The following ERICH2 variants were observed in gnomAD, a reference collection of about 807,000 sequenced individuals.
ERICH2 encodes the protein glutamate rich 2.
ERICH2 carries 17 observed loss-of-function variants against 17.4 expected under a neutral mutation model. The ratio of observed to expected loss-of-function variants is 0.98; its 90% CI spans 0.67 to 1.47. The LOEUF (loss-of-function observed/expected upper bound fraction) is 1.47. Ranked by LOEUF, ERICH2 falls within the 40% of genes most tolerant of loss-of-function variation. ERICH2 has a pLI of 0.00. For missense variants in ERICH2, 186 were observed against 183.2 expected (o/e 1.01, Z -0.09); for synonymous variants, 51 against 61.1 (o/e 0.83, Z 0.77).
chr2:170,779,601 T>A (rs568705005), upstream of ERICH2, among the ~76,000 whole-genome samples: 1 of 152,346 alleles, frequency 6.6e-6, no homozygotes, highest in Admixed American at 6.5e-5. Context: ...TGGACCTTAC[T>A]GGATTTTTTG....
upstream of ERICH2, among the ~76,000 whole-genome samples, chr2:170,780,091 A>G (rs1700993619): frequency 6.6e-6 from 1 of 152,204 alleles, no homozygotes; most frequent in Non-Finnish European, 1.5e-5. Context: ...GGAATGTCTA[A>G]CCTGATTAAC....
chr2:170,793,649 T>A (rs896793508), intron 3 of ERICH2, among the ~76,000 whole-genome samples: 8 of 152,166 alleles, frequency 5.3e-5, no homozygotes, highest in Non-Finnish European at 1.0e-4. Context: ...AGAAGTGTGA[T>A]AGGAAATGAA....
At chr2:170,795,838 T>G (rs868765242) in intron 3 of ERICH2, among the ~76,000 whole-genome samples, 1 of 152,188 alleles carries the variant, frequency 6.6e-6, no homozygotes, top group Non-Finnish European at 1.5e-5. Flanking sequence ...CAGCCTGAGA[T>G]TCTCTACATA....
At chr2:170,792,336 G>A (rs560929112) in intron 2 of ERICH2, among the ~76,000 whole-genome samples, 2 of 152,216 alleles carry the variant, frequency 1.3e-5, no homozygotes, top group Admixed American at 1.3e-4. Flanking sequence ...GGGACAGAAT[G>A]TGTGTATTTA....
chr2:170,778,487 C>T, the ERICH2 span, among the ~76,000 whole-genome samples: 61 of 151,830 alleles, frequency 4.0e-4, no homozygotes, highest in African/African-American at 1.2e-3. Context: ...ATTGTCAAAA[C>T]GAAAAATGTC....
chr2:170,776,430 T>G, the ERICH2 span, among the ~76,000 whole-genome samples: 2 of 152,204 alleles, frequency 1.3e-5, no homozygotes, highest in Non-Finnish European at 2.9e-5. Flanking sequence ...CAGGCTGGAG[T>G]GCAGTGGTGC....
Position 170,792,559 on chromosome 2 carries a change from G to A in ERICH2, c.217-304G>A, listed in dbSNP as rs375894151. Among the ~76,000 whole-genome samples, 194 of 152,234 alleles carry A rather than the reference G, an allele frequency of 1.3e-3. 3 individuals are homozygous for A. The South Asian group carries it at 0.035, about 27-fold the overall frequency. On this transcript the variant is annotated intron_variant, in intron 2 of 4. Transcript: ENST00000409885. ...TGAACCAAAGGAATATTAAAATAAA[G>A]TGATTAATGTCTTCACTATCTGTGC...
chr2:170,797,988 C>A, intron 3 of ERICH2, 53 bp from the exon 9 acceptor site: 2 of 1,259,366 alleles, frequency 1.6e-6, no homozygotes, highest in Non-Finnish European at 2.3e-6. Flanking sequence ...AGCCTGTTTG[C>A]TGCAACACTG....
upstream of ERICH2, among the ~76,000 whole-genome samples, chr2:170,782,671 G>A (rs1305121873): frequency 6.6e-6 from 1 of 152,238 alleles, no homozygotes; most frequent in African/African-American, 2.4e-5. Context: ...CAGAGTGAAA[G>A]CCAGAGTGCC....
chr2:170,774,120 A>G, the ERICH2 span, among the ~76,000 whole-genome samples: 1 of 152,194 alleles, frequency 6.6e-6, no homozygotes, highest in Non-Finnish European at 1.5e-5. Flanking sequence ...TAAAAGAAAC[A>G]CCTTTATCTG....
intron 2 of ERICH2, among the ~76,000 whole-genome samples, chr2:170,788,765 C>A (rs1173553316): frequency 6.6e-6 from 1 of 151,930 alleles, no homozygotes; most frequent in Non-Finnish European, 1.5e-5. Context: ...GTGTGAGCAA[C>A]CACACCTGGC....
chr2:170,791,839 G>A lies in ERICH2; in HGVS notation c.217-1024G>A, dbSNP rs577647145. Among the ~76,000 whole-genome samples, 23 of 152,054 alleles carry A rather than the reference G, an allele frequency of 1.5e-4. 1 individual carries two copies. Among genetic ancestry groups the A allele is most frequent in the Middle Eastern group, 3.4e-3 (1 of 294 alleles). ...GAAATAAAATTTTTTTTAACCCATGGGAGAAATTGAGAAAACTGGTAGAGA... is the reference window on the plus strand; with the variant it reads ...GAAATAAAATTTTTTTTAACCCATGAGAGAAATTGAGAAAACTGGTAGAGA... On this transcript the variant is annotated intron_variant, in intron 2 of 4. Coordinates refer to ENST00000409885, the Ensembl canonical transcript of ERICH2.
chr2:170,790,243 C>T (rs1028425341), intron 2 of ERICH2, among the ~76,000 whole-genome samples: 5 of 152,210 alleles, frequency 3.3e-5, no homozygotes, highest in African/African-American at 9.7e-5. Flanking sequence ...CGCCTGTAAT[C>T]CCAGCACTTT....
chr2:170,779,707 G>C (rs935925967), upstream of ERICH2: 3 of 366,888 alleles, frequency 8.2e-6, no homozygotes, highest in African/African-American at 6.6e-5. Context: ...TGTATCTCTA[G>C]GACTTTTCTT....
At chr2:170,794,607 A>G (rs1701373137) in intron 3 of ERICH2, among the ~76,000 whole-genome samples, 1 of 152,202 alleles carries the variant, frequency 6.6e-6, no homozygotes, top group Non-Finnish European at 1.5e-5. Flanking sequence ...CTTTTCAACT[A>G]TTTTATGCAT....
chr2:170,791,057 A>T (rs867178957), intron 2 of ERICH2, among the ~76,000 whole-genome samples: 3 of 152,180 alleles, frequency 2.0e-5, no homozygotes, highest in Admixed American at 6.5e-5. Context: ...TGGATATTTG[A>T]AAAAAGGATG....
rs1575407125 is a variant in ERICH2, at chr2:170,784,938, A to G, written c.216+105A>G. ...TGTGAGAACTAAAAAAGTAGATCTC[A>G]TGGAGGCAGAACATAGAATGGTGGT... On this transcript the variant is annotated intron_variant, in intron 2 of 4. Transcript: ENST00000409885. The G allele has an allele frequency of 5.3e-6, 5 of 949,874 alleles. No individual in the cohort carries two copies. In the East Asian group the frequency reaches 1.5e-4, roughly 28 times the overall value. The allele number at this position is 949,874 out of a possible 1,614,324, so 58.8% of individuals were successfully genotyped here.
chr2:170,790,842 A>T (rs1701273538), intron 2 of ERICH2, among the ~76,000 whole-genome samples: 2 of 152,030 alleles, frequency 1.3e-5, no homozygotes, highest in Admixed American at 6.5e-5. Context: ...TTTGGAAAAT[A>T]GTAATCACAA....
chr2:170,798,893 G>A, exon 5 of ERICH2: 2 of 1,550,452 alleles, frequency 1.3e-6, no homozygotes, highest in Non-Finnish European at 1.7e-6. Context: ...GATGGATCAT[G>A]AGTGTTGCTG....
Sources: allele counts gnomAD v4.1 joint callset (sites outside exome capture counted in the v4.1 genomes callset), GRCh38; gene constraint gnomAD v4.1.1; transcripts MANE v1.5; gene names NCBI Gene and HGNC (gene_info 2026-07-23, HGNC 2026-07-21).